DMD: variants seen among roughly 807,000 people sequenced by gnomAD.
The protein encoded by DMD is dystrophin.
Under a neutral mutation model 330.1 loss-of-function variants are expected in DMD, and 63 were observed. That is an observed-to-expected ratio of 0.19 (90% confidence interval 0.16 to 0.24). The LOEUF is 0.24. Among genes scored for constraint, DMD ranks in the 10% least tolerant of loss-of-function variants. The probability of loss-of-function intolerance (pLI) is 1.00; values close to 1 mark genes in which losing one functional copy is unlikely to be tolerated. For synonymous variants in DMD, 1,223 were observed against 959.8 expected (o/e 1.27, Z -5.07); for missense variants, 3,344 against 2,684.1 (o/e 1.25, Z -5.43).
intron 71 of DMD, among the ~76,000 whole-genome samples, chrX:31,176,532 C>G (rs1002278842): frequency 3.6e-5 from 4 of 111,258 alleles, no homozygotes; most frequent in African/African-American, 1.3e-4. Flanking sequence ...GCATATTTGT[C>G]GTTTGGATTT....
In DMD at chrX:31,239,132, C is replaced by T. The variant is rs190089641; in HGVS notation, c.9287-16011G>A. Among the ~76,000 whole-genome samples, 445 of 111,934 alleles carry T rather than the reference C, an allele frequency of 4.0e-3. 2 individuals are homozygous for T. The highest frequency in any genetic ancestry group is 0.014 in the Middle Eastern group (3 of 216). On this transcript the variant is annotated intron_variant, in intron 63 of 78. Transcript: ENST00000357033. The stretch of plus-strand genomic sequence containing the variant: ...CCTAACCACCATTTATAACACATTT[C>T]ATTCCAAATTGTATGCAACTGACTT...
chrX:31,536,126 G>A (rs903618340), intron 55 of DMD, among the ~76,000 whole-genome samples: 1 of 111,510 alleles, frequency 9.0e-6, no homozygotes, highest in Admixed American at 9.5e-5. Context: ...GCTCTTCTTG[G>A]CCTATAATAT....
chrX:32,484,818 C>T, intron 21 of DMD, 101 bp downstream of exon 21: 1 of 867,742 alleles, frequency 1.2e-6, no homozygotes, highest in African/African-American at 2.0e-5. Flanking sequence ...AGAATGGTTC[C>T]ATTTACAGAA....
At chrX:31,545,446 T>A (rs774599315) in intron 55 of DMD, among the ~76,000 whole-genome samples, 85 of 112,681 alleles carry the variant, frequency 7.5e-4, no homozygotes, top group Non-Finnish European at 1.5e-3. Context: ...CCATGTTTCT[T>A]TCTCAAATCA....
chrX:32,669,905 G>T (rs895348579), intron 9 of DMD, among the ~76,000 whole-genome samples: 1 of 110,811 alleles, frequency 9.0e-6, no homozygotes, highest in South Asian at 3.9e-4. Context: ...TTTTCCAGCC[G>T]CCTCTCCTAC....
intron 62 of DMD, among the ~76,000 whole-genome samples, chrX:31,299,251 C>T (rs1269802365): frequency 3.6e-5 from 4 of 111,732 alleles, no homozygotes; most frequent in Non-Finnish European, 7.5e-5. Context: ...TTAATTACTA[C>T]GGATGAGGAT....
chrX:31,655,993 A>G (rs1451035750), intron 54 of DMD, among the ~76,000 whole-genome samples: 1 of 112,193 alleles, frequency 8.9e-6, no homozygotes, highest in Non-Finnish European at 1.9e-5. Context: ...GGACATTAAC[A>G]TCGAAAGAAA....
intron 47 of DMD, among the ~76,000 whole-genome samples, chrX:31,923,352 T>C (rs1266213484): frequency 8.9e-6 from 1 of 111,771 alleles, no homozygotes; most frequent in Non-Finnish European, 1.9e-5. Flanking sequence ...ATTATGCATG[T>C]CCTTTAAATA....
At chrX:31,534,930 G>T (rs2074023833) in intron 55 of DMD, among the ~76,000 whole-genome samples, 1 of 53,283 alleles carries the variant, frequency 1.9e-5, no homozygotes. Flanking sequence ...CAACTTACAA[G>T]GGATGTGAAG....
intron 9 of DMD, among the ~76,000 whole-genome samples, chrX:32,658,766 T>C (rs775519472): frequency 3.1e-4 from 34 of 111,430 alleles, no homozygotes; most frequent in Middle Eastern, 9.2e-3. Flanking sequence ...TATATAACAA[T>C]GTCTCAAAGA....
At chrX:33,100,845 T>C (rs1312254395) in intron 1 of DMD, among the ~76,000 whole-genome samples, 1 of 111,994 alleles carries the variant, frequency 8.9e-6, no homozygotes, top group Non-Finnish European at 1.9e-5. Flanking sequence ...CTCAGAAATC[T>C]ACCCCTACCA....
intron 44 of DMD, among the ~76,000 whole-genome samples, chrX:32,065,260 A>G (rs2096252325): frequency 9.0e-6 from 1 of 111,395 alleles, no homozygotes; most frequent in African/African-American, 3.3e-5. Context: ...TTGCCGTCCA[A>G]AGTTTTGTTT....
At chrX:31,535,476 C>G (rs992900131) in intron 55 of DMD, among the ~76,000 whole-genome samples, 2 of 77,973 alleles carry the variant, frequency 2.6e-5, no homozygotes, top group Non-Finnish European at 4.9e-5. Flanking sequence ...ACACCTTATA[C>G]AAAAATCAAT....
At chrX:31,467,071 C>G (rs193128700) in intron 59 of DMD, among the ~76,000 whole-genome samples, 1 of 111,878 alleles carries the variant, frequency 8.9e-6, no homozygotes, top group African/African-American at 3.2e-5. Flanking sequence ...TGGGTTGAGA[C>G]GATGGGGTTT....
chrX:31,679,272 C>A, intron 53 of DMD, 103 bp downstream of exon 53: 1 of 752,470 alleles, frequency 1.3e-6, no homozygotes, highest in Non-Finnish European at 1.9e-6. Context: ...ACGTGATTTT[C>A]TGTTAATAAC....
At position 32,485,194 on chromosome X, in the gene DMD, G is replaced by C. The variant is rs991074388; in HGVS notation, c.2623-95C>G. On this transcript the variant is annotated intron_variant, in intron 20 of 78. Transcript: ENST00000357033. ...ATTAAAAAGCAGTAAGGCAAGTTTAGCTTAATACCCTTCACAAATATCTGA... is the reference window on the plus strand; with the variant it reads ...ATTAAAAAGCAGTAAGGCAAGTTTACCTTAATACCCTTCACAAATATCTGA... 12 of 800,370 alleles carry C rather than the reference G, an allele frequency of 1.5e-5. No individual in the cohort carries two copies. In the African/African-American group the frequency reaches 2.4e-4, roughly 16 times the overall value. The allele number at this position is 800,370 out of a possible 1,213,427, so 66.0% of individuals were successfully genotyped here. A position where few individuals can be genotyped will look rare whatever the true frequency, so the allele number is the denominator to read the frequency against.
intron 15 of DMD, among the ~76,000 whole-genome samples, chrX:32,568,076 T>C (rs749517310): frequency 4.4e-5 from 5 of 112,363 alleles, no homozygotes; most frequent in African/African-American, 6.5e-5. Flanking sequence ...GTGAGAATTA[T>C]GTTTAAAGAA....
At chrX:32,752,210 G>A (rs775108767) in intron 7 of DMD, among the ~76,000 whole-genome samples, 9 of 111,503 alleles carry the variant, frequency 8.1e-5, no homozygotes, top group Non-Finnish European at 1.5e-4. Context: ...ACCGAGGAAA[G>A]CCACAATCAA....
intron 2 of DMD, among the ~76,000 whole-genome samples, chrX:32,983,861 GCT>G (rs2092775840): frequency 9.0e-6 from 1 of 110,501 alleles, no homozygotes; most frequent in African/African-American, 3.3e-5. Flanking sequence ...GAATCATCTT[GCT>G]CTGTGTTTAC....
Sources: allele counts gnomAD v4.1 joint callset (sites outside exome capture counted in the v4.1 genomes callset), GRCh38; gene constraint gnomAD v4.1.1; transcripts MANE v1.5; gene names NCBI Gene and HGNC (gene_info 2026-07-23, HGNC 2026-07-21).